PLEKHA5: variants seen among roughly 807,000 people sequenced by gnomAD.
PLEKHA5 encodes pleckstrin homology domain containing A5.
Under a neutral mutation model 181.9 loss-of-function variants are expected in PLEKHA5, and 55 were observed. The observed-to-expected ratio is 0.30, with a 90% confidence interval of 0.24 to 0.38. PLEKHA5 has a LOEUF of 0.38. PLEKHA5 is among the 10% of genes least tolerant of loss of function. The probability of loss-of-function intolerance (pLI) is 1.00; values close to 1 mark genes in which losing one functional copy is unlikely to be tolerated. For synonymous variants in PLEKHA5, 535 were observed against 529.4 expected (o/e 1.01, Z -0.15); for missense variants, 1,432 against 1,549.5 (o/e 0.92, Z 1.27).
At chr12:19,129,970 G>A (rs988038002) in intron 1 of PLEKHA5, 81 bp from the exon 2 acceptor site, 22 of 1,462,752 alleles carry the variant, frequency 1.5e-5, no homozygotes, top group African/African-American at 4.3e-5. Flanking sequence ...GGAGAGCCCG[G>A]GTCTGTGCTC....
intron 3 of PLEKHA5, among the ~76,000 whole-genome samples, chr12:19,222,960 A>G (rs764554647): frequency 1.3e-5 from 2 of 149,290 alleles, no homozygotes; most frequent in Middle Eastern, 3.5e-3. Flanking sequence ...TGATTGTTTT[A>G]TGGAGAAGGA....
chr12:19,362,457 C>A (rs1197855407), intron 29 of PLEKHA5, among the ~76,000 whole-genome samples: 1 of 151,886 alleles, frequency 6.6e-6, no homozygotes, highest in East Asian at 1.9e-4. Context: ...ATGCTTGAAC[C>A]CAGGAGGCAG....
At chr12:19,341,404 T>C (rs2093915308) in intron 21 of PLEKHA5, among the ~76,000 whole-genome samples, 1 of 152,184 alleles carries the variant, frequency 6.6e-6, no homozygotes, top group African/African-American at 2.4e-5. Context: ...TACATATATA[T>C]ATCTTTTAAA....
intron 18 of PLEKHA5, among the ~76,000 whole-genome samples, chr12:19,321,111 A>C (rs2153039712): frequency 6.6e-6 from 1 of 151,682 alleles, no homozygotes; most frequent in South Asian, 2.1e-4. Flanking sequence ...AGGTGCAGTG[A>C]GCCAAGATCA....
chr12:19,306,150 A>G (rs978460314), intron 15 of PLEKHA5, among the ~76,000 whole-genome samples: 11 of 152,168 alleles, frequency 7.2e-5, no homozygotes, highest in African/African-American at 2.7e-4. Flanking sequence ...ATTAAGTATC[A>G]GATTTTCTAG....
intron 15 of PLEKHA5, 111 bp downstream of exon 15, chr12:19,291,808 CTT>C: frequency 1.8e-6 from 1 of 569,684 alleles, no homozygotes; most frequent in Admixed American, 3.4e-5. Flanking sequence ...AATAACATGA[CTT>C]TTACAAGTGA....
At chr12:19,237,310 A>G (rs1426247431) in intron 3 of PLEKHA5, among the ~76,000 whole-genome samples, 1 of 152,142 alleles carries the variant, frequency 6.6e-6, no homozygotes, top group Non-Finnish European at 1.5e-5. Context: ...GTCTCTCCTT[A>G]ACTTTAGGCT....
chr12:19,269,757 C>T lies in PLEKHA5; in HGVS notation c.712-13C>T. The T allele has an allele frequency of 7.4e-7, 1 of 1,354,050 alleles. No individual in the cohort carries two copies. The highest frequency in any genetic ancestry group is 1.2e-5 in the South Asian group (1 of 81,116). 83.9% of individuals were successfully genotyped at this position (1,354,050 alleles called of 1,614,324 possible). A position where few individuals can be genotyped will look rare whatever the true frequency, so the allele number is the denominator to read the frequency against. ...ATATTTTTATTTAAAATGATCGTGT[C>T]ATTTTCAATCAGGCAGCCCATCCAA... is the stretch of plus-strand genomic sequence containing the variant. On this transcript the variant is annotated splice_polypyrimidine_tract_variant and intron_variant, in intron 8 of 31. Coordinates refer to ENST00000429027, the MANE Select transcript of PLEKHA5 (RefSeq NM_001256470.2).
At chr12:19,373,947 C>CT (rs55971656) in intron 31 of PLEKHA5, among the ~76,000 whole-genome samples, 86,132 of 151,934 alleles carry the variant, frequency 0.57, 26,999 homozygotes, top group Non-Finnish European at 0.72. Flanking sequence ...TTGTTTTCTT[C>CT]TTATTCCAAG....
intron 3 of PLEKHA5, among the ~76,000 whole-genome samples, chr12:19,135,635 A>G (rs960586889): frequency 1.3e-5 from 2 of 152,162 alleles, no homozygotes; most frequent in African/African-American, 2.4e-5. Flanking sequence ...TTTTGTGCTT[A>G]CGTTTCCTTG....
intron 3 of PLEKHA5, among the ~76,000 whole-genome samples, chr12:19,230,108 G>A (rs536498051): frequency 6.6e-6 from 1 of 152,134 alleles, no homozygotes; most frequent in East Asian, 1.9e-4. Context: ...GCTGATTGGT[G>A]TATTTATAAT....
At chr12:19,234,283 G>C (rs1436628797) in intron 3 of PLEKHA5, among the ~76,000 whole-genome samples, 1 of 152,168 alleles carries the variant, frequency 6.6e-6, no homozygotes, top group Non-Finnish European at 1.5e-5. Context: ...TACAAATGAG[G>C]TTGTGTTATA....
At chr12:19,138,232 G>A (rs1485324635) in intron 3 of PLEKHA5, among the ~76,000 whole-genome samples, 2 of 152,064 alleles carry the variant, frequency 1.3e-5, no homozygotes, top group Non-Finnish European at 2.9e-5. Flanking sequence ...ATGAAATTAA[G>A]GGTGAAAAGT....
chr12:19,207,146 T>C (rs1411224622), intron 3 of PLEKHA5: 3 of 152,174 alleles, frequency 2.0e-5, no homozygotes, highest in Non-Finnish European at 4.4e-5. Flanking sequence ...TATTATGTAA[T>C]GGTGACAGAT....
intron 3 of PLEKHA5, among the ~76,000 whole-genome samples, chr12:19,188,310 C>T (rs1274279807): frequency 6.6e-6 from 1 of 152,090 alleles, no homozygotes; most frequent in Non-Finnish European, 1.5e-5. Context: ...CCTACCTTCC[C>T]CCAAAATTGT....
chr12:19,292,938 CA>C (rs958207734), intron 15 of PLEKHA5, among the ~76,000 whole-genome samples: 11 of 149,554 alleles, frequency 7.4e-5, no homozygotes, highest in African/African-American at 1.7e-4. Flanking sequence ...GACTCTATCT[CA>C]AAAAAAAAGA....
intron 3 of PLEKHA5, among the ~76,000 whole-genome samples, chr12:19,194,055 C>T: frequency 6.6e-6 from 1 of 152,168 alleles, no homozygotes. Context: ...GCCTCACCTC[C>T]AACATTGGGG....
At position 19,130,458 on chromosome 12, in the gene PLEKHA5, TGA is replaced by T. The variant is rs2033278096; in HGVS notation, c.169+330_169+331del. On this transcript the variant is annotated intron_variant, in intron 2 of 31. Coordinates refer to ENST00000429027, the MANE Select transcript of PLEKHA5 (RefSeq NM_001256470.2). The surrounding 1 kb of genome is among the most constrained non-coding windows in gnomAD (Gnocchi z 4.5). The stretch of plus-strand genomic sequence containing the variant: ...CTCCCCTCCCTGAAACCTGGAGTCC[TGA>T]GTTTTTCCTCCGCGGCCGCTACTCA... 2.0e-5 allele frequency among the ~76,000 whole-genome samples: 3 copies of T among 151,402 alleles called. No homozygotes were observed. Among genetic ancestry groups the T allele is most frequent in the Non-Finnish European group, 4.4e-5 (3 of 67,800 alleles).
intron 3 of PLEKHA5, among the ~76,000 whole-genome samples, chr12:19,156,257 T>C (rs2041693058): frequency 6.6e-6 from 1 of 151,660 alleles, no homozygotes; most frequent in African/African-American, 2.4e-5. Context: ...CAGTCATTTC[T>C]TCTTCTGTGA....
Sources: allele counts gnomAD v4.1 joint callset (sites outside exome capture counted in the v4.1 genomes callset), GRCh38; gene constraint gnomAD v4.1.1; non-coding constraint Gnocchi (gnomAD v3.1); transcripts MANE v1.5; gene names NCBI Gene and HGNC (gene_info 2026-07-23, HGNC 2026-07-21).